PAPPA2: variants seen among roughly 807,000 people sequenced by gnomAD.
PAPPA2 encodes the protein pappalysin 2.
PAPPA2 carries 86 observed loss-of-function variants against 176.4 expected under a neutral mutation model. The ratio of observed to expected loss-of-function variants is 0.49; its 90% confidence interval spans 0.41 to 0.58. PAPPA2 has a LOEUF of 0.58. Ranked by LOEUF, PAPPA2 falls within the 20% of genes least tolerant of loss-of-function variation. PAPPA2 has a pLI of 0.00. For synonymous variants in PAPPA2, 809 were observed against 852.2 expected, an observed-to-expected ratio of 0.95 and a Z score of 0.88; for missense variants, 2,073 against 2,256.9, an observed-to-expected ratio of 0.92 and a Z score of 1.65.
At chr1:176,715,401 G>A (rs1423271557) in intron 12 of PAPPA2, among the ~76,000 whole-genome samples, 4 of 152,166 alleles carry the variant, frequency 2.6e-5, no homozygotes, top group Admixed American at 1.3e-4. Context: ...AACAAGGAGA[G>A]TTTGACCACC....
intron 4 of PAPPA2, among the ~76,000 whole-genome samples, chr1:176,686,263 G>C (rs879067164): frequency 6.6e-6 from 1 of 152,140 alleles, no homozygotes; most frequent in Admixed American, 6.6e-5. Flanking sequence ...GGGTCCTCAG[G>C]AAACTTACAA....
chr1:176,736,827 C>T (rs1311627788), intron 12 of PAPPA2, among the ~76,000 whole-genome samples: 1 of 151,304 alleles, frequency 6.6e-6, no homozygotes, highest in Non-Finnish European at 1.5e-5. Flanking sequence ...TTCATAGACT[C>T]AATTTATAAA....
intron 17 of PAPPA2, among the ~76,000 whole-genome samples, chr1:176,779,783 C>G (rs527302063): frequency 6.6e-6 from 1 of 152,316 alleles, no homozygotes; most frequent in East Asian, 1.9e-4. Flanking sequence ...GGCTAGAGCT[C>G]TAACATCTCC....
intron 1 of PAPPA2, among the ~76,000 whole-genome samples, chr1:176,489,503 C>T (rs577828455): frequency 5.3e-5 from 8 of 152,254 alleles, no homozygotes; most frequent in South Asian, 4.1e-4. Context: ...GCTGGTGACA[C>T]GTTATAATTG....
chr1:176,596,092 C>T (rs1018802236), intron 3 of PAPPA2, among the ~76,000 whole-genome samples: 2 of 152,338 alleles, frequency 1.3e-5, no homozygotes, highest in Non-Finnish European at 1.5e-5. Context: ...CGTAAAGTTT[C>T]GTGTTACATC....
chr1:176,593,979 G>A (rs1653806028), intron 2 of PAPPA2, among the ~76,000 whole-genome samples: 1 of 152,114 alleles, frequency 6.6e-6, no homozygotes, highest in South Asian at 2.1e-4. Flanking sequence ...ATGATGTCTG[G>A]GATGTTACCA....
rs1314119880 is a variant in PAPPA2 at position 176,695,730 on chromosome 1, C to T, written c.2625-8C>T. 2 of 1,613,836 alleles carry T rather than the reference C, an allele frequency of 1.2e-6. No individual in the cohort carries two copies. Among genetic ancestry groups the T allele is most frequent in the East Asian group, 4.5e-5 (2 of 44,862 alleles). On this transcript the variant is annotated splice_region_variant and splice_polypyrimidine_tract_variant and intron_variant, in intron 6 of 22. Coordinates refer to ENST00000367662, the MANE Select transcript of PAPPA2 (RefSeq NM_020318.3). ...TCATCTCCCATCTCCATCCCTTTAT[C>T]TCCCCAGGGCCTCAGGCAGCTTGTG...
At chr1:176,685,278 C>A (rs1659785071) in intron 4 of PAPPA2, among the ~76,000 whole-genome samples, 1 of 152,126 alleles carries the variant, frequency 6.6e-6, no homozygotes, top group African/African-American at 2.4e-5. Context: ...TCATGACAAT[C>A]CTTTGAGGTA....
At chr1:176,578,986 A>G (rs1161392905) in intron 2 of PAPPA2, among the ~76,000 whole-genome samples, 1 of 152,194 alleles carries the variant, frequency 6.6e-6, no homozygotes, top group Non-Finnish European at 1.5e-5. Context: ...ATTAACTGTT[A>G]TAATTCCCAG....
intron 1 of PAPPA2, among the ~76,000 whole-genome samples, chr1:176,531,036 C>T (rs1006775051): frequency 6.6e-6 from 1 of 152,146 alleles, no homozygotes; most frequent in Non-Finnish European, 1.5e-5. Context: ...AAAAGACAAC[C>T]AAAGTTTTAG....
intron 3 of PAPPA2, among the ~76,000 whole-genome samples, chr1:176,604,592 T>TAA (rs1654513019): frequency 1.3e-5 from 2 of 152,182 alleles, no homozygotes; most frequent in Admixed American, 1.3e-4. Context: ...AGTTGTGCAG[T>TAA]TAAAACAAAG....
At chr1:176,499,536 T>G (rs573046006) in intron 1 of PAPPA2, among the ~76,000 whole-genome samples, 1 of 152,312 alleles carries the variant, frequency 6.6e-6, no homozygotes, top group East Asian at 1.9e-4. Context: ...AGGACTGTTT[T>G]GTGTGCTCTG....
intron 10 of PAPPA2, among the ~76,000 whole-genome samples, chr1:176,709,505 A>C (rs1367538259): frequency 6.6e-6 from 1 of 152,196 alleles, no homozygotes; most frequent in Non-Finnish European, 1.5e-5. Flanking sequence ...ATTAAGCAAC[A>C]AATAGTGATT....
At chr1:176,510,241 TA>T (rs144967785) in intron 1 of PAPPA2, among the ~76,000 whole-genome samples, 16,247 of 152,092 alleles carry the variant, frequency 0.11, 1,234 homozygotes, top group African/African-American at 0.2. Context: ...AAAAAGCAGA[TA>T]GGGGTGGGGA....
chr1:176,655,176 T>C (rs1314937936), intron 3 of PAPPA2, among the ~76,000 whole-genome samples: 1 of 151,956 alleles, frequency 6.6e-6, no homozygotes, highest in Non-Finnish European at 1.5e-5. Flanking sequence ...CTTTCAACTT[T>C]TCTGCATTCA....
intron 4 of PAPPA2, among the ~76,000 whole-genome samples, chr1:176,674,247 C>T (rs1398861699): frequency 6.6e-6 from 1 of 151,992 alleles, no homozygotes; most frequent in East Asian, 1.9e-4. Flanking sequence ...GCCTAAAATC[C>T]AGCCTGAAAC....
chr1:176,810,655 A>C (rs1666110617), intron 21 of PAPPA2, among the ~76,000 whole-genome samples: 1 of 152,140 alleles, frequency 6.6e-6, no homozygotes, highest in Admixed American at 6.5e-5. Flanking sequence ...CCTCTGGTCT[A>C]GGGCAATAGT....
intron 14 of PAPPA2, among the ~76,000 whole-genome samples, chr1:176,748,656 G>A (rs1321807788): frequency 6.6e-6 from 1 of 152,134 alleles, no homozygotes; most frequent in Admixed American, 6.5e-5. Flanking sequence ...ATGAAAGACT[G>A]TATATATAAT....
intron 17 of PAPPA2, among the ~76,000 whole-genome samples, chr1:176,786,748 T>G (rs1664951746): frequency 6.6e-6 from 1 of 152,168 alleles, no homozygotes; most frequent in South Asian, 2.1e-4. Flanking sequence ...TTACCGTGTG[T>G]TTTGAATAAG....
Sources: allele counts gnomAD v4.1 joint callset (sites outside exome capture counted in the v4.1 genomes callset), GRCh38; gene constraint gnomAD v4.1.1; transcripts MANE v1.5; gene names NCBI Gene and HGNC (gene_info 2026-07-23, HGNC 2026-07-21).